VPS13B: variants seen among roughly 807,000 people sequenced by gnomAD.
VPS13B encodes the protein intermembrane lipid transfer protein VPS13B.
A neutral mutation model predicts 426.4 loss-of-function variants in VPS13B; 285 were observed. The ratio of observed to expected loss-of-function variants is 0.67; its 90% CI spans 0.61 to 0.74. The LOEUF (loss-of-function observed/expected upper bound fraction) is 0.74. Ranked by LOEUF, VPS13B falls within the 30% of genes least tolerant of loss-of-function variation. The pLI, the probability that VPS13B is intolerant of heterozygous loss-of-function variation, is 0.00. For missense variants in VPS13B, 4,537 were observed against 4,782.6 expected (o/e 0.95, Z 1.51); for synonymous variants, 1,676 against 1,676.4 (o/e 1.00, Z 0.01).
At chr8:99,138,571 A>G (rs1354233514) in intron 12 of VPS13B, among the ~76,000 whole-genome samples, 1 of 152,236 alleles carries the variant, frequency 6.6e-6, no homozygotes, top group Non-Finnish European at 1.5e-5. Flanking sequence ...ATAGTTTACT[A>G]GATTCTGGTC....
intron 17 of VPS13B, among the ~76,000 whole-genome samples, chr8:99,239,289 TA>T (rs1413434063): frequency 6.6e-6 from 1 of 152,176 alleles, no homozygotes; most frequent in African/African-American, 2.4e-5. Context: ...AGAGTAATCT[TA>T]AGTACATTGA....
chr8:99,812,332 A>T (rs1433432007), intron 44 of VPS13B, among the ~76,000 whole-genome samples: 1 of 152,178 alleles, frequency 6.6e-6, no homozygotes, highest in African/African-American at 2.4e-5. Flanking sequence ...GGGAAGGAAG[A>T]AGGGAACCAA....
intron 19 of VPS13B, among the ~76,000 whole-genome samples, chr8:99,290,890 A>G (rs1166408726): frequency 1.3e-5 from 2 of 152,102 alleles, no homozygotes; most frequent in Admixed American, 6.6e-5. Context: ...GATGGGATCA[A>G]TGGTAATAGT....
At chr8:99,848,648 T>A in intron 54 of VPS13B, 128 bp from the exon 55 acceptor site, 2 of 894,140 alleles carry the variant, frequency 2.2e-6, no homozygotes, top group Non-Finnish European at 3.7e-6. Flanking sequence ...CCCGTACACA[T>A]GGATATAAAG....
intron 17 of VPS13B, among the ~76,000 whole-genome samples, chr8:99,245,599 C>T (rs1009594611): frequency 1.3e-5 from 2 of 152,180 alleles, no homozygotes; most frequent in Non-Finnish European, 2.9e-5. Flanking sequence ...CTTGCTCTGT[C>T]GCCCAGGCTG....
At chr8:99,484,849 CAAA>C (rs34547055) in intron 25 of VPS13B, among the ~76,000 whole-genome samples, 11 of 113,790 alleles carry the variant, frequency 9.7e-5, no homozygotes, top group Non-Finnish European at 1.6e-4. Context: ...TGTCCTGTCT[CAAA>C]AAAAAAAAAA....
chr8:99,463,949 C>T (rs1304717208), intron 23 of VPS13B, among the ~76,000 whole-genome samples: 2 of 152,132 alleles, frequency 1.3e-5, no homozygotes, highest in African/African-American at 4.8e-5. Context: ...CCCACTTCGG[C>T]CTCCCAAAGT....
At chr8:99,619,188 T>G (rs570213617) in intron 33 of VPS13B, among the ~76,000 whole-genome samples, 17 of 152,282 alleles carry the variant, frequency 1.1e-4, no homozygotes, top group Non-Finnish European at 8.8e-5. Context: ...CCAAGCCCTG[T>G]GATTTAAGCA....
At chr8:99,418,753 T>C (rs577016346) in intron 21 of VPS13B, among the ~76,000 whole-genome samples, 1 of 152,200 alleles carries the variant, frequency 6.6e-6, no homozygotes, top group East Asian at 1.9e-4. Flanking sequence ...ATTTTCGGAA[T>C]AAAGGATGAC....
At chr8:99,486,641 C>T (rs1820324436) in intron 25 of VPS13B, among the ~76,000 whole-genome samples, 1 of 152,204 alleles carries the variant, frequency 6.6e-6, no homozygotes, top group African/African-American at 2.4e-5. Context: ...AAAAGCAGCT[C>T]TGTTTGCCTC....
intron 39 of VPS13B, among the ~76,000 whole-genome samples, chr8:99,742,511 A>G (rs1369320214): frequency 1.3e-5 from 2 of 152,202 alleles, no homozygotes; most frequent in African/African-American, 2.4e-5. Context: ...AGCCTGGCAG[A>G]GACACAACCA....
At position 99,720,998 on chromosome 8, in the gene VPS13B, C is replaced by G. The variant is rs1833107819; in HGVS notation, c.7001C>G (p.Thr2334Ser). The part of the protein sequence containing the change: ...LVRITPVPFN[T>S]TEDPDISTAD... ...CGAATAACTCCTGTACCTTTTAACA[C>G]CACAGAGGATCCAGATATTAGCACA... The change falls in exon 39 of 62, where the codon ACC (threonine) becomes AGC (serine). Residue 2334 changes from threonine (T) to serine (S), a missense_variant. Thr to Ser is a moderately conservative substitution (Grantham distance 58, BLOSUM62 1). Around this residue, in one of 2 missense-constraint regions of VPS13B, gnomAD observed 4,311 missense variants for 4,474.3 expected, o/e 0.96. Transcript: ENST00000357162. The G allele has an allele frequency of 6.2e-7, 1 of 1,613,980 alleles. No homozygotes were observed. Among genetic ancestry groups the G allele is most frequent in the African/African-American group, 1.3e-5 (1 of 75,000 alleles).
intron 35 of VPS13B, among the ~76,000 whole-genome samples, chr8:99,666,390 A>G (rs1184111550): frequency 6.6e-6 from 1 of 152,192 alleles, no homozygotes; most frequent in Admixed American, 6.5e-5. Flanking sequence ...CTTGATGAAC[A>G]TCGATGCAAA....
chr8:99,337,752 G>T (rs950342257), intron 19 of VPS13B, among the ~76,000 whole-genome samples: 1 of 152,000 alleles, frequency 6.6e-6, no homozygotes, highest in Non-Finnish European at 1.5e-5. Flanking sequence ...ATTTTTTAGT[G>T]ATTAGTGCTT....
At chr8:99,199,204 T>C (rs965750213) in intron 17 of VPS13B, among the ~76,000 whole-genome samples, 1 of 152,050 alleles carries the variant, frequency 6.6e-6, no homozygotes, top group Non-Finnish European at 1.5e-5. Context: ...TTTTTTGAGA[T>C]GGAGTCTCGC....
At chr8:99,750,548 T>C (rs1198597182) in intron 39 of VPS13B, among the ~76,000 whole-genome samples, 4 of 152,068 alleles carry the variant, frequency 2.6e-5, no homozygotes, top group African/African-American at 4.8e-5. Flanking sequence ...GTAAAGCCCA[T>C]AGTCTGGGCT....
At chr8:99,399,420 C>G (rs1327654729) in intron 21 of VPS13B, among the ~76,000 whole-genome samples, 1 of 152,012 alleles carries the variant, frequency 6.6e-6, no homozygotes, top group East Asian at 1.9e-4. Context: ...TAAAGGACTT[C>G]AACAGATGCT....
At chr8:99,038,679 CTTTTTTTTTTTTTT>C (rs34774482) in intron 3 of VPS13B, 113 bp downstream of exon 3, 5 of 168,742 alleles carry the variant, frequency 3.0e-5, no homozygotes, top group African/African-American at 1.2e-4. Context: ...AGCTTATATA[CTTTTTTTTTTTTTT>C]TTTTTTTTTT....
chr8:99,133,164 C>T (rs1809891311), intron 8 of VPS13B, among the ~76,000 whole-genome samples: 1 of 152,196 alleles, frequency 6.6e-6, no homozygotes, highest in Non-Finnish European at 1.5e-5. Flanking sequence ...CGTTAATTAT[C>T]TTAGCTAGGT....
Sources: gnomAD v4.1 joint callset for allele counts (sites outside exome capture counted in the v4.1 genomes callset) on GRCh38, gnomAD v4.1.1 for gene constraint, gnomAD v4.1.1 regional missense constraint, MANE v1.5 for transcripts, NCBI Gene and HGNC (gene_info 2026-07-23, HGNC 2026-07-21) for gene names.